OSBPL8: variants seen among roughly 807,000 people sequenced by gnomAD.
OSBPL8 encodes oxysterol-binding protein-related protein 8.
OSBPL8 carries 59 observed loss-of-function variants against 125.5 expected under a neutral mutation model. The ratio of observed to expected loss-of-function variants is 0.47; its 90% confidence interval spans 0.38 to 0.58. OSBPL8 has a LOEUF of 0.58. OSBPL8 is among the 20% of genes least tolerant of loss of function. The pLI is 0.00. For synonymous variants in OSBPL8, 330 were observed against 338.9 expected, an observed-to-expected ratio of 0.97 and a Z score of 0.29; for missense variants, 758 against 1,047.8, an observed-to-expected ratio of 0.72 and a Z score of 3.82.
chr12:76,535,925 G>A (rs1470416468), intron 1 of OSBPL8, among the ~76,000 whole-genome samples: 2 of 152,210 alleles, frequency 1.3e-5, no homozygotes, highest in African/African-American at 2.4e-5. Flanking sequence ...GGGGACTGAT[G>A]GAAAGTTCTA....
chr12:76,518,143 CTA>C (rs1405454191), intron 1 of OSBPL8, among the ~76,000 whole-genome samples: 2 of 152,174 alleles, frequency 1.3e-5, no homozygotes, highest in Non-Finnish European at 2.9e-5. Flanking sequence ...TTCCTTCCAC[CTA>C]TGAGCCTGTA....
At chr12:76,510,774 G>A (rs1416525507) in intron 1 of OSBPL8, among the ~76,000 whole-genome samples, 1 of 151,710 alleles carries the variant, frequency 6.6e-6, no homozygotes, top group Non-Finnish European at 1.5e-5. Flanking sequence ...CCAGCTACTC[G>A]TGAGGCTGAG....
intron 2 of OSBPL8, 59 bp from the exon 3 acceptor site, chr12:76,459,954 A>T (rs1874514021): frequency 1.3e-6 from 2 of 1,556,674 alleles, no homozygotes; most frequent in Admixed American, 3.3e-5. Context: ...GAAGAAGCAA[A>T]ATGCATCAGG....
intron 2 of OSBPL8, among the ~76,000 whole-genome samples, chr12:76,479,363 T>C (rs1166076751): frequency 1.3e-5 from 2 of 152,178 alleles, no homozygotes. Context: ...TTTTAAAAAT[T>C]AAAATAGAAG....
At chr12:76,393,108 T>A (rs543002275) in intron 9 of OSBPL8, among the ~76,000 whole-genome samples, 5 of 152,312 alleles carry the variant, frequency 3.3e-5, no homozygotes, top group East Asian at 3.9e-4. Context: ...ACAAACAAAC[T>A]ATCTGAAGTA....
At chr12:76,425,304 T>C (rs774854075) in intron 4 of OSBPL8, among the ~76,000 whole-genome samples, 1 of 152,186 alleles carries the variant, frequency 6.6e-6, no homozygotes, top group Non-Finnish European at 1.5e-5. Context: ...GGTTCTGCAA[T>C]AGAATTAAGC....
chr12:76,411,636 T>C (rs529614014), intron 4 of OSBPL8, among the ~76,000 whole-genome samples: 2 of 152,072 alleles, frequency 1.3e-5, no homozygotes, highest in South Asian at 4.1e-4. Context: ...AAATTTTATA[T>C]GATATAAAAA....
chr12:76,545,331 G>A (rs1950754017), intron 1 of OSBPL8, among the ~76,000 whole-genome samples: 1 of 151,994 alleles, frequency 6.6e-6, no homozygotes, highest in African/African-American at 2.4e-5. Flanking sequence ...TATTTTCTAA[G>A]AAAAATATGA....
In OSBPL8 at chr12:76,451,969, A is replaced by C. The variant is rs182373790; in HGVS notation, c.80-981T>G. On this transcript the variant is annotated intron_variant, in intron 3 of 23. Coordinates refer to ENST00000261183, the MANE Select transcript of OSBPL8 (RefSeq NM_020841.5). ...CCCCGTCTCTACTAAAAATACAAAA[A>C]TTAGGCAGACGTGTTGGCGCGCCTG... Among the ~76,000 whole-genome samples, 84 of 152,204 alleles carry C rather than the reference A, an allele frequency of 5.5e-4. 1 individual carries two copies. In the East Asian group the frequency reaches 0.016, roughly 28 times the overall value.
intron 4 of OSBPL8, among the ~76,000 whole-genome samples, chr12:76,439,118 C>T (rs150066748): frequency 0.016 from 2,397 of 152,220 alleles, 43 homozygotes; most frequent in Non-Finnish European, 0.02. Context: ...CGGTGGCTCA[C>T]GCCTGTAATC....
At chr12:76,492,515 A>G (rs1878826518) in intron 1 of OSBPL8, among the ~76,000 whole-genome samples, 1 of 152,116 alleles carries the variant, frequency 6.6e-6, no homozygotes, top group African/African-American at 2.4e-5. Context: ...AAGGTGGGTG[A>G]GTGAGTGAAG....
At chr12:76,525,178 A>G (rs950512243) in intron 1 of OSBPL8, among the ~76,000 whole-genome samples, 4 of 152,174 alleles carry the variant, frequency 2.6e-5, no homozygotes, top group African/African-American at 9.7e-5. Context: ...ATACGAATAA[A>G]TTTTTAAAAA....
chr12:76,369,307 T>C lies in OSBPL8; in HGVS notation c.2241-6A>G. 1 of 1,512,082 alleles carries C rather than the reference T, an allele frequency of 6.6e-7. No individual in the cohort carries two copies. The highest frequency in any genetic ancestry group is 1.5e-5 in the African/African-American group (1 of 65,680). 93.7% of individuals were successfully genotyped at this position (1,512,082 alleles called of 1,614,324 possible). ...GTGGGTCCCATGGTCGGGTACTACA[T>C]AAATGAAAAAAAAAAAAACCATTTG... is the stretch of plus-strand genomic sequence containing the variant. On this transcript the variant is annotated splice_region_variant and splice_polypyrimidine_tract_variant and intron_variant, in intron 20 of 23. Transcript: ENST00000261183.
At chr12:76,537,618 A>C (rs955692704) in intron 1 of OSBPL8, among the ~76,000 whole-genome samples, 9 of 152,166 alleles carry the variant, frequency 5.9e-5, no homozygotes, top group Non-Finnish European at 8.8e-5. Context: ...AAAATATTAA[A>C]GGACAACAGG....
chr12:76,444,295 T>G (rs938846450), intron 4 of OSBPL8, among the ~76,000 whole-genome samples: 4 of 152,204 alleles, frequency 2.6e-5, no homozygotes, highest in African/African-American at 9.7e-5. Context: ...ACAACACTGC[T>G]TGAAGAAATC....
At chr12:76,525,812 A>G in intron 1 of OSBPL8, among the ~76,000 whole-genome samples, 1 of 152,256 alleles carries the variant, frequency 6.6e-6, no homozygotes, top group East Asian at 1.9e-4. Flanking sequence ...GGAAAACTAC[A>G]AAGGTAAAAA....
At chr12:76,497,755 A>G (rs1392627651) in intron 1 of OSBPL8, among the ~76,000 whole-genome samples, 1 of 152,192 alleles carries the variant, frequency 6.6e-6, no homozygotes, top group East Asian at 1.9e-4. Context: ...CCTTTGTAAC[A>G]TGAGGCAAAA....
At chr12:76,382,359 T>C (rs1387757761) in intron 15 of OSBPL8, among the ~76,000 whole-genome samples, 1 of 152,172 alleles carries the variant, frequency 6.6e-6, no homozygotes, top group Non-Finnish European at 1.5e-5. Context: ...TTTGTGTGTG[T>C]GTGTGTTTGC....
chr12:76,494,632 C>T (rs781124231), intron 1 of OSBPL8, among the ~76,000 whole-genome samples: 2 of 152,028 alleles, frequency 1.3e-5, no homozygotes, highest in African/African-American at 4.8e-5. Context: ...AGAAAAGATA[C>T]AAGATGACCT....
Sources: allele counts gnomAD v4.1 joint callset (sites outside exome capture counted in the v4.1 genomes callset), GRCh38; gene constraint gnomAD v4.1.1; transcripts MANE v1.5; gene names NCBI Gene and HGNC (gene_info 2026-07-23, HGNC 2026-07-21).